The following PREP variants were observed in gnomAD, a reference collection of about 807,000 sequenced individuals.
The protein encoded by PREP is prolyl endopeptidase, also known as dJ355L5.1 (prolyl endopeptidase).
A neutral mutation model predicts 87.6 loss-of-function variants in PREP; 29 were observed. The ratio of observed to expected loss-of-function variants is 0.33; its 90% CI spans 0.25 to 0.45. The LOEUF (loss-of-function observed/expected upper bound fraction) is 0.45, where lower values mean the gene tolerates loss of function less well. Ranked by LOEUF, PREP falls within the 20% of genes least tolerant of loss-of-function variation. The pLI is 1.00. For missense variants in PREP, 695 were observed against 886.5 expected (o/e 0.78, Z 2.74); for synonymous variants, 337 against 328.6 (o/e 1.03, Z -0.28).
At chr6:105,379,103 T>C (rs1048928120) in intron 2 of PREP, among the ~76,000 whole-genome samples, 1 of 152,190 alleles carries the variant, frequency 6.6e-6, no homozygotes, top group African/African-American at 2.4e-5. Context: ...ATAAAACTGT[T>C]ACAGGTCACA....
In PREP at chr6:105,373,379, T is replaced by C. The variant is rs374385254; in HGVS notation, c.585A>G (p.Gly195=). Residue 195 remains glycine, a synonymous_variant, in exon 5 of 15, where the codon GGA becomes GGG. Transcript: ENST00000652536. The part of the protein sequence containing the change: ...MFYNSYPQQD[G]KSDGTETSTN... Reference sequence around the variant, plus strand: ...GAAGTCTTCACTCACCATCACTTTTTCCATCCTGTTGAGGGTATGAGTTGT... The same window carrying C: ...GAAGTCTTCACTCACCATCACTTTTCCCATCCTGTTGAGGGTATGAGTTGT... 4.6e-5 allele frequency: 75 copies of C among 1,613,996 alleles called. No homozygotes were observed. Among genetic ancestry groups the C allele is most frequent in the Non-Finnish European group, 6.3e-5 (74 of 1,179,976 alleles).
chr6:105,302,475 T>C, intron 10 of PREP: 1 of 319,560 alleles, frequency 3.1e-6, no homozygotes, highest in South Asian at 3.1e-5. Context: ...TGTGTACTTC[T>C]GCAGCGGGTA....
chr6:105,296,944 CAT>C lies in PREP; in HGVS notation c.1318-8052_1318-8051del, dbSNP rs377261105. 8.8e-3 allele frequency among the ~76,000 whole-genome samples: 1,348 copies of C among 152,338 alleles called. 7 individuals carry two copies. The highest frequency in any genetic ancestry group is 0.02 in the South Asian group (99 of 4,830). On this transcript the variant is annotated intron_variant, in intron 10 of 14. Coordinates refer to ENST00000652536, the MANE Select transcript of PREP (RefSeq NM_002726.5). ...CCACATCTGCAGGCCCATAGCCAGACATGTGTTTCCTGGAAGTCACCTGTGAG... is the reference window on the plus strand; with the variant it reads ...CCACATCTGCAGGCCCATAGCCAGACGTGTTTCCTGGAAGTCACCTGTGAG...
At chr6:105,373,669 A>C in intron 4 of PREP, 91 bp from the exon 5 acceptor site, 4 of 1,235,148 alleles carry the variant, frequency 3.2e-6, no homozygotes, top group Non-Finnish European at 4.6e-6. Context: ...CTTTCATAAC[A>C]CGGAGGTAGA....
intron 9 of PREP, among the ~76,000 whole-genome samples, chr6:105,324,023 G>A (rs1277573161): frequency 6.6e-6 from 1 of 152,208 alleles, no homozygotes; most frequent in East Asian, 1.9e-4. Context: ...ACACTAGTAA[G>A]TATATACATT....
intron 6 of PREP, among the ~76,000 whole-genome samples, chr6:105,364,165 A>G (rs1167830839): frequency 6.6e-6 from 1 of 152,230 alleles, no homozygotes; most frequent in African/African-American, 2.4e-5. Context: ...AAGCATGTAA[A>G]TTGGAGAGAG....
At chr6:105,389,002 A>G (rs778381711) in intron 2 of PREP, among the ~76,000 whole-genome samples, 9 of 152,268 alleles carry the variant, frequency 5.9e-5, no homozygotes, top group Non-Finnish European at 1.3e-4. Flanking sequence ...CAATGTTCAG[A>G]ATGTATCTTT....
intron 11 of PREP, among the ~76,000 whole-genome samples, chr6:105,287,051 G>A (rs1770201856): frequency 1.3e-5 from 2 of 151,660 alleles, no homozygotes; most frequent in African/African-American, 2.4e-5. Flanking sequence ...AATACTTTGA[G>A]TGATATAAGG....
intron 5 of PREP, among the ~76,000 whole-genome samples, chr6:105,372,528 A>G (rs577999473): frequency 6.6e-6 from 1 of 152,336 alleles, no homozygotes; most frequent in Non-Finnish European, 1.5e-5. Flanking sequence ...TGCCTGGGAA[A>G]ATTTAGAAGT....
chr6:105,294,542 C>T (rs1303580523), intron 10 of PREP, among the ~76,000 whole-genome samples: 1 of 152,186 alleles, frequency 6.6e-6, no homozygotes, highest in Non-Finnish European at 1.5e-5. Context: ...CCACCCTACC[C>T]TAGCCGCTGG....
At chr6:105,335,489 T>C (rs1771454799) in intron 7 of PREP, among the ~76,000 whole-genome samples, 1 of 152,218 alleles carries the variant, frequency 6.6e-6, no homozygotes, top group Non-Finnish European at 1.5e-5. Flanking sequence ...TCATATATGT[T>C]TGGATTAAAA....
At chr6:105,296,937 A>G (rs1770424391) in intron 10 of PREP, among the ~76,000 whole-genome samples, 1 of 152,156 alleles carries the variant, frequency 6.6e-6, no homozygotes. Context: ...GCAGGCCCAT[A>G]GCCAGACATG....
intron 2 of PREP, among the ~76,000 whole-genome samples, chr6:105,396,779 T>C (rs1382631092): frequency 6.6e-6 from 1 of 151,746 alleles, no homozygotes; most frequent in Non-Finnish European, 1.5e-5. Flanking sequence ...AAACTGCAAA[T>C]ATGTACTAAG....
intron 10 of PREP, chr6:105,302,734 C>T (rs1279921709): frequency 3.9e-6 from 2 of 508,688 alleles, no homozygotes; most frequent in East Asian, 5.1e-5. Context: ...CGATGCGCAG[C>T]TGGGACAGCT....
chr6:105,339,356 A>C (rs2114666498), intron 7 of PREP, among the ~76,000 whole-genome samples: 1 of 152,334 alleles, frequency 6.6e-6, no homozygotes, highest in South Asian at 2.1e-4. Context: ...CAGAAAGGAC[A>C]CCCACACCAA....
At position 105,397,880 on chromosome 6, in the gene PREP, A is replaced by C. The variant is rs773455402; in HGVS notation, c.93T>G (p.Leu31=). ...GHKICDPYAW[L]EDPDSEQTKA... ...TAGTCTGTTCACTGTCGGGGTCTTCAAGCCAGGCGTAAGGGTCACAAATTT... is the reference window on the plus strand; with the variant it reads ...TAGTCTGTTCACTGTCGGGGTCTTCCAGCCAGGCGTAAGGGTCACAAATTT... The change falls in exon 2 of 15, where the codon CTT becomes CTG. Residue 31 remains leucine, a synonymous_variant. Transcript: ENST00000652536. The C allele has an allele frequency of 6.2e-7, 1 of 1,612,952 alleles. No individual in the cohort carries two copies. The highest frequency in any genetic ancestry group is 8.5e-7 in the Non-Finnish European group (1 of 1,178,908).
In PREP at chr6:105,273,799, C is replaced by T. The variant is rs1769875240; in HGVS notation, c.*4345G>A. 1 of 153,498 alleles carries T rather than the reference C, an allele frequency of 6.5e-6. No individual in the cohort carries two copies. The highest frequency in any genetic ancestry group is 2.4e-5 in the African/African-American group (1 of 41,478). The allele number at this position is 153,498 out of a possible 1,614,324, so 9.5% of individuals were successfully genotyped here. A position where few individuals can be genotyped will look rare whatever the true frequency, so the allele number is the denominator to read the frequency against. ...GGCCTCGCCTGGCTCCCTGTTCCCC[C>T]CACACTGGCTTCCTGCTCTTCCTCC... On this transcript the variant is annotated 3_prime_UTR_variant, in exon 15 of 15. Transcript: ENST00000652536.
chr6:105,318,853 G>C (rs148781433), intron 10 of PREP, among the ~76,000 whole-genome samples: 120 of 152,328 alleles, frequency 7.9e-4, no homozygotes, highest in African/African-American at 2.8e-3. Context: ...TCGTTCACTA[G>C]TCAGCTCACC....
At chr6:105,279,823 AAAGTATTAGGTGT>A (rs1770039834) in intron 14 of PREP, among the ~76,000 whole-genome samples, 1 of 152,226 alleles carries the variant, frequency 6.6e-6, no homozygotes, top group Non-Finnish European at 1.5e-5. Flanking sequence ...ATTAAGTTTG[AAAGTATTAGGTGT>A]CATCTAATAT....
Sources: allele counts gnomAD v4.1 joint callset (sites outside exome capture counted in the v4.1 genomes callset), GRCh38; gene constraint gnomAD v4.1.1; transcripts MANE v1.5; gene names NCBI Gene and HGNC (gene_info 2026-07-23, HGNC 2026-07-21).